Variants in SREK1 observed in about 807,000 individuals in gnomAD.
The protein encoded by SREK1 is splicing regulatory glutamic acid and lysine rich protein 1.
In SREK1, 13 loss-of-function variants were observed where a neutral mutation model predicts 66.5. The observed-to-expected ratio is 0.20, with a 90% CI of 0.13 to 0.31. The LOEUF (loss-of-function observed/expected upper bound fraction) is 0.31. Ranked by LOEUF, SREK1 falls within the 10% of genes least tolerant of loss-of-function variation. SREK1 has a pLI of 1.00. For missense variants in SREK1, 607 were observed against 769.6 expected (o/e 0.79, Z 2.50); for synonymous variants, 265 against 263.5 (o/e 1.01, Z -0.05).
intron 3 of SREK1, among the ~76,000 whole-genome samples, chr5:66,160,125 CAA>C (rs113489115): frequency 4.7e-5 from 6 of 126,728 alleles, no homozygotes; most frequent in Non-Finnish European, 1.7e-5. Context: ...GGGAGAGTCT[CAA>C]AAAAAAAAAA....
At chr5:66,145,190 C>T (rs1743062286) in intron 1 of SREK1, 4 of 983,570 alleles carry the variant, frequency 4.1e-6, no homozygotes, top group Non-Finnish European at 4.8e-6. Flanking sequence ...AAGTGTAAGT[C>T]GGTGCAGGGT....
chr5:66,160,261 T>G (rs1219824140), intron 3 of SREK1, among the ~76,000 whole-genome samples: 1 of 152,218 alleles, frequency 6.6e-6, no homozygotes, highest in Non-Finnish European at 1.5e-5. Context: ...TTGCCTTAAT[T>G]GGAAGTTGAA....
chr5:66,170,926 G>A lies in SREK1; in HGVS notation c.1463G>A (p.Arg488Gln), dbSNP rs749596572. The A allele has an allele frequency of 4.4e-6, 7 of 1,607,048 alleles. No individual in the cohort carries two copies. The highest frequency in any genetic ancestry group is 2.2e-5 in the East Asian group (1 of 44,844). Residue 488 changes from arginine to glutamine, a missense_variant, in exon 9 of 12, where the codon CGA (arginine) becomes CAA (glutamine). Transcript: ENST00000334121. ...CCACCCAGGAGTTACAATGCATCGC[G>A]AAGATCTCGTAGTTCCAGCAGGTTT... is the stretch of plus-strand genomic sequence containing the variant. ...RTPPRSYNAS[R>Q]RSRSSSRERR...
rs1405458293 is a variant in SREK1 at position 66,178,901 on chromosome 5, G to C, written c.*33G>C. On this transcript the variant is annotated 3_prime_UTR_variant, in exon 12 of 12. Transcript: ENST00000334121. ...AAGTGTACCTCTGCACTCAATGCTG[G>C]AATCAAATCCAAAGCTTTTAATTCT... is the stretch of plus-strand genomic sequence containing the variant. 6.5e-7 allele frequency: 1 copy of C among 1,529,970 alleles called. No individual in the cohort carries two copies. Among genetic ancestry groups the C allele is most frequent in the Non-Finnish European group, 8.8e-7 (1 of 1,134,758 alleles). The allele number at this position is 1,529,970 out of a possible 1,614,324, so 94.8% of individuals were successfully genotyped here. A position where few individuals can be genotyped will look rare whatever the true frequency, so the allele number is the denominator to read the frequency against.
intron 10 of SREK1, 62 bp from the exon 11 acceptor site, chr5:66,177,452 T>G (rs1330474246): frequency 7.8e-7 from 1 of 1,289,922 alleles, no homozygotes; most frequent in East Asian, 2.6e-5. Flanking sequence ...GGATATTTTG[T>G]CAAGAATATA....
intron 9 of SREK1, among the ~76,000 whole-genome samples, chr5:66,174,451 A>G (rs1056148257): frequency 6.6e-5 from 10 of 152,254 alleles, no homozygotes; most frequent in African/African-American, 2.2e-4. Flanking sequence ...TTAAGTAGAC[A>G]TTGTTGATAA....
At chr5:66,155,225 CT>C (rs34374642) in intron 2 of SREK1, among the ~76,000 whole-genome samples, 1 of 152,078 alleles carries the variant, frequency 6.6e-6, no homozygotes, top group South Asian at 2.1e-4. Context: ...TCAGATGTAC[CT>C]TTTTAGTGTT....
chr5:66,165,366 C>G (rs1380410324), intron 7 of SREK1: 2 of 155,552 alleles, frequency 1.3e-5, no homozygotes, highest in African/African-American at 4.8e-5. Context: ...TACCACGTAT[C>G]CAAAGGAACA....
chr5:66,162,297 A>G (rs1179286245), intron 4 of SREK1, 24 bp downstream of exon 4: 1 of 1,613,488 alleles, frequency 6.2e-7, no homozygotes, highest in Non-Finnish European at 8.5e-7. Flanking sequence ...GAAGAAACAA[A>G]GCAGCAGTAG....
intron 9 of SREK1, among the ~76,000 whole-genome samples, chr5:66,172,198 T>C (rs1274682499): frequency 6.6e-6 from 1 of 152,230 alleles, no homozygotes; most frequent in Non-Finnish European, 1.5e-5. Flanking sequence ...AGTGATTTTA[T>C]TGATTCTGTG....
At chr5:66,149,961 A>G (rs1743628883) in intron 1 of SREK1, among the ~76,000 whole-genome samples, 1 of 152,240 alleles carries the variant, frequency 6.6e-6, no homozygotes, top group Non-Finnish European at 1.5e-5. Flanking sequence ...CTTTCTCTGC[A>G]GTGGTTATTA....
chr5:66,158,665 G>A lies in SREK1; in HGVS notation c.296-554G>A, dbSNP rs1744487045. 8.9e-6 allele frequency: 5 copies of A among 561,686 alleles called. No individual in the cohort carries two copies. The South Asian group carries it at 9.8e-5, about 11-fold the overall frequency. 34.8% of individuals were successfully genotyped at this position (561,686 alleles called of 1,614,324 possible). ...ATAGGTAGTTTCAGTAACAGGATAG[G>A]GGCACTCATTAAGAAATTTCAATTC... On this transcript the variant is annotated intron_variant, in intron 2 of 11. Coordinates refer to ENST00000334121, the MANE Select transcript of SREK1 (RefSeq NM_001077199.3).
In SREK1 at chr5:66,164,816, G is replaced by A. The variant is rs774604410; in HGVS notation, c.920G>A (p.Arg307Gln). The part of the protein sequence containing the change: ...SGKSNERKGG[R>Q]SRSHTRSKSR... ...AAGAGCAATGAAAGAAAAGGCGGTCGATCTCGTTCCCATACTCGCTCAAAA... is the reference window on the plus strand; with the variant it reads ...AAGAGCAATGAAAGAAAAGGCGGTCAATCTCGTTCCCATACTCGCTCAAAA... Residue 307 changes from arginine (R) to glutamine (Q), a missense_variant, in exon 7 of 12, where the codon CGA (arginine) becomes CAA (glutamine). Arg to Gln is a conservative substitution (Grantham distance 43, BLOSUM62 1). Around this residue, in one of 5 missense-constraint regions of SREK1, gnomAD observed 112 missense variants for 168.6 expected, o/e 0.66. Coordinates refer to ENST00000334121, the MANE Select transcript of SREK1 (RefSeq NM_001077199.3). The A allele has an allele frequency of 3.0e-5, 49 of 1,613,896 alleles. No homozygotes were observed. Among genetic ancestry groups the A allele is most frequent in the Middle Eastern group, 1.6e-4 (1 of 6,084 alleles).
chr5:66,159,388 G>T, intron 3 of SREK1, 54 bp downstream of exon 3: 2 of 1,351,528 alleles, frequency 1.5e-6, no homozygotes, highest in Non-Finnish European at 2.0e-6. Flanking sequence ...TGTGTGACCA[G>T]TTGAATAGAG....
intron 2 of SREK1, chr5:66,157,381 A>G: frequency 1.0e-6 from 1 of 982,664 alleles, no homozygotes; most frequent in South Asian, 4.7e-5. Context: ...AAGTAATATT[A>G]AATTTGGGAC....
chr5:66,166,477 T>A (rs1018797562), intron 7 of SREK1: 1 of 151,952 alleles, frequency 6.6e-6, no homozygotes, highest in Non-Finnish European at 1.5e-5. Flanking sequence ...TATTCCTTTT[T>A]TTTCCCCCCC....
At position 66,144,429 on chromosome 5, in the gene SREK1, C is replaced by A. The variant is rs1390751987; in HGVS notation, c.53C>A (p.Thr18Lys). ...GLGLGFGLTP[T>K]SVIQVTNLSS... ...GGCTTAGGCTTCGGCCTCACCCCCA[C>A]GTCGGTGATTCAGGTGACGAATCTG... Residue 18 changes from threonine (T) to lysine (K), a missense_variant, in exon 1 of 12, where the codon ACG (threonine) becomes AAG (lysine). This residue lies in a region of SREK1 where 75 missense variants were observed against 72.9 expected (regional missense o/e 1.03). Transcript: ENST00000334121. 3 of 1,551,552 alleles carry A rather than the reference C, an allele frequency of 1.9e-6. No individual in the cohort carries two copies. Among genetic ancestry groups the A allele is most frequent in the African/African-American group, 1.4e-5 (1 of 73,058 alleles).
At chr5:66,177,455 A>G in intron 10 of SREK1, 59 bp from the exon 11 acceptor site, 1 of 1,316,536 alleles carries the variant, frequency 7.6e-7, no homozygotes. Context: ...TATTTTGTCA[A>G]GAATATAATA....
chr5:66,162,740 A>T lies in SREK1; in HGVS notation c.755+148A>T, dbSNP rs886396725. 3 of 641,174 alleles carry T rather than the reference A, an allele frequency of 4.7e-6. No homozygotes were observed. The African/African-American group carries it at 5.6e-5, about 12-fold the overall frequency. The allele number at this position is 641,174 out of a possible 1,614,324, so 39.7% of individuals were successfully genotyped here. A position where few individuals can be genotyped will look rare whatever the true frequency, so the allele number is the denominator to read the frequency against. On this transcript the variant is annotated intron_variant, in intron 5 of 11. Transcript: ENST00000334121. Reference sequence around the variant, plus strand: ...GTTAAGTATAAATGAAATACATGAGATACTTACCATTTTAGTCTTTAAATT... The same window carrying T: ...GTTAAGTATAAATGAAATACATGAGTTACTTACCATTTTAGTCTTTAAATT...
Sources: gnomAD v4.1 joint callset for allele counts (sites outside exome capture counted in the v4.1 genomes callset) on GRCh38, gnomAD v4.1.1 for gene constraint, gnomAD v4.1.1 regional missense constraint, MANE v1.5 for transcripts, NCBI Gene and HGNC (gene_info 2026-07-23, HGNC 2026-07-21) for gene names.